The following ADGRL4 variants were observed in gnomAD, a reference collection of about 807,000 sequenced individuals.
ADGRL4 encodes EGF, latrophilin and seven transmembrane domain containing 1.
ADGRL4 carries 90 observed loss-of-function variants against 74.8 expected under a neutral mutation model. That is an observed-to-expected ratio of 1.20 (90% CI 1.02 to 1.43). ADGRL4 has a LOEUF of 1.43. Among genes scored for constraint, ADGRL4 ranks in the 40% most tolerant of loss-of-function variants. The pLI, the probability that ADGRL4 is intolerant of heterozygous loss-of-function variation, is 0.00. For synonymous variants in ADGRL4, 311 were observed against 279.2 expected (o/e 1.11, Z -1.14); for missense variants, 881 against 814.3 (o/e 1.08, Z -1.00).
intron 2 of ADGRL4, among the ~76,000 whole-genome samples, chr1:78,972,416 A>G (rs1400264607): frequency 6.6e-6 from 1 of 152,190 alleles, no homozygotes; most frequent in East Asian, 1.9e-4. Flanking sequence ...TTTCTAATAT[A>G]TTTAGAAGAA....
chr1:78,923,360 T>A (rs1293251835), intron 8 of ADGRL4, among the ~76,000 whole-genome samples: 1 of 152,050 alleles, frequency 6.6e-6, no homozygotes, highest in Non-Finnish European at 1.5e-5. Context: ...CATTTCTTCC[T>A]AAGAAACGGA....
intron 3 of ADGRL4, among the ~76,000 whole-genome samples, chr1:78,944,783 A>G (rs1184648940): frequency 6.6e-6 from 1 of 152,210 alleles, no homozygotes; most frequent in African/African-American, 2.4e-5. Flanking sequence ...TAAAATGAGG[A>G]GAATAAAATA....
chr1:79,004,940 C>G, intron 2 of ADGRL4, 130 bp downstream of exon 2: 1 of 699,364 alleles, frequency 1.4e-6, no homozygotes, highest in Non-Finnish European at 2.2e-6. Flanking sequence ...TAGCTACTTA[C>G]GCGTTTTTTA....
At position 78,937,815 on chromosome 1, in the gene ADGRL4, G is replaced by C; in HGVS notation, c.752C>G (p.Thr251Arg). The C allele has an allele frequency of 6.2e-7, 1 of 1,605,558 alleles. No individual in the cohort carries two copies. Among genetic ancestry groups the C allele is most frequent in the South Asian group, 1.1e-5 (1 of 88,634 alleles). Reference sequence around the variant, plus strand: ...GGACCCTTGTTTCTTACCTATATCCGTTGAATTTGTATCAAACTCTGTGGT... The same window carrying C: ...GGACCCTTGTTTCTTACCTATATCCCTTGAATTTGTATCAAACTCTGTGGT... ...QKTTEFDTNS[T>R]DIALKVFFFD... Residue 251 changes from threonine (T) to arginine (R), a missense_variant, in exon 6 of 15, where the codon ACG (threonine) becomes AGG (arginine). By Grantham distance (71) the Thr-to-Arg change is moderately conservative (BLOSUM62 -1). Transcript: ENST00000370742.
intron 10 of ADGRL4, 33 bp downstream of exon 10, chr1:78,920,150 A>G: frequency 2.0e-6 from 3 of 1,523,194 alleles, no homozygotes; most frequent in Admixed American, 1.8e-5. Context: ...CACATATCAT[A>G]GGACAAAAAT....
chr1:78,944,471 C>G (rs1267506825), intron 3 of ADGRL4, among the ~76,000 whole-genome samples: 1 of 152,110 alleles, frequency 6.6e-6, no homozygotes, highest in Non-Finnish European at 1.5e-5. Context: ...ATCATTGATT[C>G]CTATTTCCTG....
At chr1:78,979,866 G>A (rs1385681422) in intron 2 of ADGRL4, among the ~76,000 whole-genome samples, 1 of 151,884 alleles carries the variant, frequency 6.6e-6, no homozygotes, top group Non-Finnish European at 1.5e-5. Flanking sequence ...AAAGGCATAA[G>A]AATGGACTTT....
At chr1:78,900,948 A>G (rs1446378691) in intron 12 of ADGRL4, among the ~76,000 whole-genome samples, 3 of 152,006 alleles carry the variant, frequency 2.0e-5, no homozygotes, top group Admixed American at 6.6e-5. Context: ...AAATCTTAAA[A>G]GGTTTAATGT....
chr1:78,920,776 T>G (rs1389496326), intron 9 of ADGRL4, among the ~76,000 whole-genome samples: 3 of 151,890 alleles, frequency 2.0e-5, no homozygotes, highest in Non-Finnish European at 4.4e-5. Context: ...GTCTATGCAG[T>G]GATTCATCTA....
At chr1:78,939,747 T>A (rs1649436454) in intron 3 of ADGRL4, 1 of 152,690 alleles carries the variant, frequency 6.5e-6, no homozygotes, top group South Asian at 2.1e-4. Context: ...ATTCACATTT[T>A]CACATATGGA....
chr1:79,005,929 C>CA (rs566129853), intron 1 of ADGRL4, among the ~76,000 whole-genome samples: 79 of 146,526 alleles, frequency 5.4e-4, no homozygotes, highest in East Asian at 2.6e-3. Context: ...CAAATGTGAA[C>CA]AAAAAAAAAT....
intron 2 of ADGRL4, among the ~76,000 whole-genome samples, chr1:79,003,451 A>C (rs755792241): frequency 3.9e-5 from 6 of 151,998 alleles, no homozygotes; most frequent in African/African-American, 1.4e-4. Flanking sequence ...ACAAATTCCC[A>C]TTACAAATTA....
chr1:78,915,530 T>G (rs1557495812), intron 12 of ADGRL4, among the ~76,000 whole-genome samples: 1 of 151,854 alleles, frequency 6.6e-6, no homozygotes, highest in Non-Finnish European at 1.5e-5. Flanking sequence ...AAGAAAAACT[T>G]CTAATAGAGA....
At chr1:78,947,720 T>A (rs1649632302) in intron 2 of ADGRL4, among the ~76,000 whole-genome samples, 1 of 152,066 alleles carries the variant, frequency 6.6e-6, no homozygotes, top group African/African-American at 2.4e-5. Context: ...TTGGACAAAG[T>A]TGCAGGCAGA....
intron 3 of ADGRL4, among the ~76,000 whole-genome samples, chr1:78,943,268 A>G (rs1649529736): frequency 6.6e-6 from 1 of 152,166 alleles, no homozygotes; most frequent in Non-Finnish European, 1.5e-5. Flanking sequence ...AAATTGAAGG[A>G]ATTCATGGCT....
intron 3 of ADGRL4, among the ~76,000 whole-genome samples, chr1:78,943,445 C>A (rs577145223): frequency 6.6e-6 from 1 of 152,256 alleles, no homozygotes; most frequent in South Asian, 2.1e-4. Flanking sequence ...TCTCACCCAG[C>A]GCTTTCTGCA....
At chr1:78,926,859 C>T (rs1395122925) in intron 8 of ADGRL4, 27 bp downstream of exon 8, 1 of 1,531,410 alleles carries the variant, frequency 6.5e-7, no homozygotes, top group East Asian at 2.3e-5. Context: ...ACAATCATAG[C>T]CAATAACTAC....
chr1:79,001,896 T>C (rs979805312), intron 2 of ADGRL4, among the ~76,000 whole-genome samples: 1 of 152,150 alleles, frequency 6.6e-6, no homozygotes, highest in Admixed American at 6.5e-5. Context: ...TTCTTCAAAA[T>C]GCACTGATAT....
At chr1:78,962,179 C>T (rs1190889028) in intron 2 of ADGRL4, among the ~76,000 whole-genome samples, 1 of 152,234 alleles carries the variant, frequency 6.6e-6, no homozygotes, top group South Asian at 2.1e-4. Context: ...CCGGGCCCGG[C>T]CTTCCAGGCT....
Sources: allele counts gnomAD v4.1 joint callset (sites outside exome capture counted in the v4.1 genomes callset), GRCh38; gene constraint gnomAD v4.1.1; transcripts MANE v1.5; gene names NCBI Gene and HGNC (gene_info 2026-07-23, HGNC 2026-07-21).